SLC35F3: variants seen among roughly 807,000 people sequenced by gnomAD.
SLC35F3 encodes solute carrier family 35 member F3.
In SLC35F3, 25 loss-of-function variants were observed where a neutral mutation model predicts 49.9. The observed-to-expected ratio is 0.50, with a 90% confidence interval of 0.37 to 0.70. The LOEUF (loss-of-function observed/expected upper bound fraction) is 0.70, where lower values mean the gene tolerates loss of function less well. Among genes scored for constraint, SLC35F3 ranks in the 30% least tolerant of loss-of-function variants. The pLI, the probability that SLC35F3 is intolerant of heterozygous loss-of-function variation, is 0.00. For synonymous variants in SLC35F3, 275 were observed against 265.4 expected, an observed-to-expected ratio of 1.04 and a Z score of -0.35; for missense variants, 525 against 639.8, an observed-to-expected ratio of 0.82 and a Z score of 1.94.
chr1:234,175,055 A>C (rs972502122), intron 2 of SLC35F3, among the ~76,000 whole-genome samples: 3 of 152,194 alleles, frequency 2.0e-5, no homozygotes, highest in African/African-American at 7.2e-5. Context: ...TTTTTTAGAG[A>C]TCTTCCGTGA....
At position 234,167,905 on chromosome 1, in the gene SLC35F3, C is replaced by T. The variant is rs1666342755; in HGVS notation, c.284-63512C>T. Reference sequence around the variant, plus strand: ...ATCCCCTAGACCTGAGGTTGGCGCACTTTCTGGAATAAGCGAGATTGTGAA... The same window carrying T: ...ATCCCCTAGACCTGAGGTTGGCGCATTTTCTGGAATAAGCGAGATTGTGAA... On this transcript the variant is annotated intron_variant, in intron 2 of 7. Coordinates refer to ENST00000366618, the MANE Select transcript of SLC35F3 (RefSeq NM_173508.4). 2.0e-5 allele frequency among the ~76,000 whole-genome samples: 3 copies of T among 152,204 alleles called. No homozygotes were observed. The South Asian group carries it at 6.2e-4, about 32-fold the overall frequency.
intron 3 of SLC35F3, among the ~76,000 whole-genome samples, chr1:234,283,380 C>G (rs1043433903): frequency 6.6e-6 from 1 of 152,238 alleles, no homozygotes; most frequent in Non-Finnish European, 1.5e-5. Flanking sequence ...TCATTACTGT[C>G]ATTTTCTCCA....
At chr1:234,313,937 T>A (rs1333052011) in intron 4 of SLC35F3, among the ~76,000 whole-genome samples, 1 of 152,244 alleles carries the variant, frequency 6.6e-6, no homozygotes, top group African/African-American at 2.4e-5. Flanking sequence ...TCTTGAGCTC[T>A]GCTCCCAAAG....
chr1:234,146,404 A>C (rs1052794830), intron 2 of SLC35F3, among the ~76,000 whole-genome samples: 2 of 145,028 alleles, frequency 1.4e-5, no homozygotes, highest in Non-Finnish European at 3.0e-5. Context: ...TTAGTTTTTA[A>C]TTTTTATGGA....
intron 2 of SLC35F3, among the ~76,000 whole-genome samples, chr1:233,933,063 A>T (rs1426400985): frequency 6.7e-6 from 1 of 149,076 alleles, no homozygotes; most frequent in Non-Finnish European, 1.5e-5. Flanking sequence ...AACTATGACC[A>T]TGGTAAAAAT....
intron 3 of SLC35F3, among the ~76,000 whole-genome samples, chr1:234,247,510 G>A (rs1183191598): frequency 2.6e-5 from 4 of 151,842 alleles, no homozygotes; most frequent in Non-Finnish European, 5.9e-5. Flanking sequence ...TTGTTCAGTA[G>A]GTTGATTGGA....
intron 2 of SLC35F3, among the ~76,000 whole-genome samples, chr1:233,989,304 G>C (rs1663317485): frequency 6.6e-6 from 1 of 152,154 alleles, no homozygotes; most frequent in Admixed American, 6.5e-5. Flanking sequence ...TAATGACAGA[G>C]AATTTCTATG....
intron 3 of SLC35F3, among the ~76,000 whole-genome samples, chr1:234,271,052 TG>T (rs1668094214): frequency 6.6e-6 from 1 of 152,242 alleles, no homozygotes; most frequent in East Asian, 1.9e-4. Context: ...ATAGCCTAAG[TG>T]TGCATTTCTT....
intron 2 of SLC35F3, among the ~76,000 whole-genome samples, chr1:233,926,004 T>C (rs1471917079): frequency 6.6e-6 from 1 of 152,232 alleles, no homozygotes; most frequent in East Asian, 1.9e-4. Flanking sequence ...GGAGAGCCGC[T>C]GTTAGTCTGA....
chr1:234,131,464 T>A (rs1422711579), intron 2 of SLC35F3, among the ~76,000 whole-genome samples: 3 of 151,904 alleles, frequency 2.0e-5, no homozygotes, highest in African/African-American at 7.3e-5. Flanking sequence ...CCCATCCCAG[T>A]CTCAGCAGCA....
chr1:234,178,315 A>C (rs1666505810), intron 2 of SLC35F3, among the ~76,000 whole-genome samples: 1 of 152,128 alleles, frequency 6.6e-6, no homozygotes. Context: ...CAATGCTTTC[A>C]GTCAATTGGA....
At chr1:234,267,464 A>T in intron 3 of SLC35F3, among the ~76,000 whole-genome samples, 1 of 119,790 alleles carries the variant, frequency 8.3e-6, no homozygotes, top group Non-Finnish European at 1.8e-5. Context: ...GCCGGGCAGA[A>T]GCGCCCCTCA....
chr1:234,196,048 T>C (rs1666805522), intron 2 of SLC35F3, among the ~76,000 whole-genome samples: 1 of 152,062 alleles, frequency 6.6e-6, no homozygotes, highest in African/African-American at 2.4e-5. Context: ...GGAAATGGAC[T>C]AATACAAGGT....
At chr1:234,113,790 G>A (rs1278193306) in intron 2 of SLC35F3, among the ~76,000 whole-genome samples, 1 of 152,208 alleles carries the variant, frequency 6.6e-6, no homozygotes, top group African/African-American at 2.4e-5. Context: ...TTGAACCCGG[G>A]AGGTGGAGGT....
chr1:233,910,960 G>A (rs921361338), intron 2 of SLC35F3, among the ~76,000 whole-genome samples: 1 of 152,178 alleles, frequency 6.6e-6, no homozygotes, highest in Non-Finnish European at 1.5e-5. Flanking sequence ...CCTGGGACAG[G>A]AACATGCAGG....
At chr1:234,095,030 G>C (rs920630424) in intron 2 of SLC35F3, among the ~76,000 whole-genome samples, 1 of 152,140 alleles carries the variant, frequency 6.6e-6, no homozygotes, top group African/African-American at 2.4e-5. Context: ...CTGGCAGGGG[G>C]GTTTATCTGA....
chr1:234,066,838 A>T (rs1197604512), intron 2 of SLC35F3, among the ~76,000 whole-genome samples: 834 of 48,634 alleles, frequency 0.017, 3 homozygotes, highest in South Asian at 0.057. Context: ...TCCCACACAC[A>T]CACACACACA....
chr1:234,070,798 CCATAA>C (rs1664702476), intron 2 of SLC35F3, among the ~76,000 whole-genome samples: 1 of 152,038 alleles, frequency 6.6e-6, no homozygotes, highest in African/African-American at 2.4e-5. Context: ...TTATGCCACC[CCATAA>C]CATATCAGTT....
chr1:234,309,103 A>T lies in SLC35F3; in HGVS notation c.611A>T (p.Glu204Val). Residue 204 changes from glutamate (E) to valine (V), a missense_variant and splice_region_variant, in exon 4 of 8, where the codon GAA becomes GTA. Transcript: ENST00000366618. ...ATGCCTCTCTTTCCTTGTTTTAGGG[A>T]ATGCTGTCGATTTTTTGGAGACAAT... The part of the protein sequence containing the change: ...EKQSVKQRYR[E>V]CCRFFGDNGL... 4.3e-6 allele frequency: 7 copies of T among 1,613,536 alleles called. No individual in the cohort carries two copies. The highest frequency in any genetic ancestry group is 5.1e-6 in the Non-Finnish European group (6 of 1,179,714).
Sources: gnomAD v4.1 joint callset for allele counts (sites outside exome capture counted in the v4.1 genomes callset) on GRCh38, gnomAD v4.1.1 for gene constraint, MANE v1.5 for transcripts, NCBI Gene and HGNC (gene_info 2026-07-23, HGNC 2026-07-21) for gene names.